CD5: variants seen among roughly 807,000 people sequenced by gnomAD.
CD5 encodes the protein T-cell surface glycoprotein CD5.
In CD5, 36 loss-of-function variants were observed where a neutral mutation model predicts 60.3. That is an observed-to-expected ratio of 0.60 (90% CI 0.46 to 0.79). CD5 has a LOEUF of 0.79. CD5 is among the 30% of genes least tolerant of loss of function. The pLI, the probability that CD5 is intolerant of heterozygous loss-of-function variation, is 0.00. For synonymous variants in CD5, 230 were observed against 257.6 expected (o/e 0.89, Z 1.03); for missense variants, 540 against 630.6 (o/e 0.86, Z 1.54).
chr11:61,097,526 C>T (rs1260403646), upstream of CD5, among the ~76,000 whole-genome samples: 3 of 152,130 alleles, frequency 2.0e-5, no homozygotes, highest in African/African-American at 7.2e-5. Flanking sequence ...CGGAGTCCCA[C>T]CAGGACTGGA....
At position 61,115,058 on chromosome 11, in the gene CD5, G is replaced by A. The variant is rs377675865; in HGVS notation, c.58G>A (p.Ala20Thr). 104 of 1,556,750 alleles carry A rather than the reference G, an allele frequency of 6.7e-5. No individual in the cohort carries two copies. The highest frequency in any genetic ancestry group is 2.2e-4 in the African/African-American group (16 of 73,328). Reference protein sequence around the residue: ...ATLYLLGMLVASCLGRLSWYD... With the variant: ...ATLYLLGMLVTSCLGRLSWYD... ...ACCCTCCTCTCTTCTTTCTGCAGTC[G>A]CTTCCTGCCTCGGACGGCTCAGCTG... Residue 20 changes from alanine to threonine, a missense_variant and splice_region_variant, in exon 2 of 11, where the codon GCT (alanine) becomes ACT (threonine). Coordinates refer to ENST00000347785, the MANE Select transcript of CD5 (RefSeq NM_014207.4).
intron 5 of CD5, 74 bp downstream of exon 5, chr11:61,119,649 C>A: frequency 9.3e-7 from 1 of 1,077,562 alleles, no homozygotes; most frequent in Non-Finnish European, 1.4e-6. Flanking sequence ...CCCAGAAGGT[C>A]AGGGAACATG....
At chr11:61,100,779 AAC>A (rs1312636180), upstream of CD5, among the ~76,000 whole-genome samples, 6 of 87,940 alleles carry the variant, frequency 6.8e-5, no homozygotes, top group Admixed American at 1.3e-4. Flanking sequence ...GGAGATCACA[AAC>A]ACACATCAAC....
Position 61,125,934 on chromosome 11 carries a change from C to T in CD5, c.*2+93C>T, listed in dbSNP as rs112377946. 4,054 of 675,816 alleles carry T rather than the reference C, an allele frequency of 6.0e-3. 80 individuals carry two copies. Among genetic ancestry groups the T allele is most frequent in the African/African-American group, 0.051 (2,804 of 54,538 alleles). The allele number at this position is 675,816 out of a possible 1,614,324, so 41.9% of individuals were successfully genotyped here. ...CACTCAATGCCTCCCCTCAGTCCCA[C>T]CCTGCCCATACATGAATAGGGGACC... is the stretch of plus-strand genomic sequence containing the variant. On this transcript the variant is annotated intron_variant, in intron 10 of 10. Transcript: ENST00000347785.
intron 7 of CD5, 144 bp downstream of exon 7, chr11:61,123,176 C>G (rs1861095056): frequency 2.1e-6 from 2 of 952,744 alleles, no homozygotes; most frequent in Non-Finnish European, 3.0e-6. Flanking sequence ...TTCCCCTCTC[C>G]TGCCCATTAG....
intron 1 of CD5, among the ~76,000 whole-genome samples, chr11:61,108,348 G>A (rs936607496): frequency 4.6e-5 from 7 of 152,322 alleles, no homozygotes; most frequent in African/African-American, 1.7e-4. Flanking sequence ...GGCCCTGGGT[G>A]AGCCAGATTA....
chr11:61,119,065 G>C (rs1861010429), intron 4 of CD5, 88 bp downstream of exon 4: 1 of 1,298,058 alleles, frequency 7.7e-7, no homozygotes, highest in Non-Finnish European at 1.1e-6. Context: ...TCTGACAAAG[G>C]TGGAAATGTT....
chr11:61,124,902 G>A (rs1861122757), intron 8 of CD5, 130 bp from the exon 9 acceptor site: 3 of 997,248 alleles, frequency 3.0e-6, no homozygotes, highest in Non-Finnish European at 4.5e-6. Context: ...GCATTGAAGG[G>A]GCTGTGGGTG....
rs142822370 is a variant in CD5, at chr11:61,119,262, G to A, written c.492G>A (p.Gln164=). 15 of 1,610,512 alleles carry A rather than the reference G, an allele frequency of 9.3e-6. No homozygotes were observed. Among genetic ancestry groups the A allele is most frequent in the Non-Finnish European group, 1.2e-5 (14 of 1,178,308 alleles). Residue 164 remains glutamine, a synonymous_variant, in exon 5 of 11, where the codon CAG becomes CAA. Transcript: ENST00000347785. The part of the protein sequence containing the change: ...TAPPRLQLVA[Q]SGGQHCAGVV... The stretch of plus-strand genomic sequence containing the variant: ...CTCCCAGGCTGCAGCTGGTGGCACA[G>A]TCTGGCGGCCAGCACTGTGCCGGCG...
At chr11:61,104,542 C>A (rs1056966596) in intron 1 of CD5, among the ~76,000 whole-genome samples, 1 of 152,164 alleles carries the variant, frequency 6.6e-6, no homozygotes, top group Non-Finnish European at 1.5e-5. Flanking sequence ...TGGCACCAGG[C>A]AAGTCCCCTG....
Position 61,119,549 on chromosome 11 carries a change from G to A in CD5, c.779G>A (p.Gly260Asp). The A allele has an allele frequency of 6.2e-7, 1 of 1,612,428 alleles. No individual in the cohort carries two copies. Among genetic ancestry groups the A allele is most frequent in the Non-Finnish European group, 8.5e-7 (1 of 1,179,670 alleles). ...AGGAAAATCAAGCCCCAGAAAAGTG[G>A]CCGAGTTCTTGCCCTCCTTTGCTCA... ...CFRKIKPQKS[G>D]RVLALLCSGF... The change falls in exon 5 of 11, where the codon GGC (glycine) becomes GAC (aspartate). Residue 260 changes from glycine to aspartate, a missense_variant. Transcript: ENST00000347785.
intron 1 of CD5, among the ~76,000 whole-genome samples, chr11:61,110,145 G>T (rs1860834060): frequency 6.6e-6 from 1 of 152,080 alleles, no homozygotes; most frequent in African/African-American, 2.4e-5. Context: ...CTAAAAAATA[G>T]AAATAGGTTA....
chr11:61,097,186 T>A, the CD5 span, among the ~76,000 whole-genome samples: 62 of 152,324 alleles, frequency 4.1e-4, no homozygotes, highest in African/African-American at 9.1e-4. Flanking sequence ...TCTCTCAATG[T>A]CACTTCATGT....
chr11:61,101,841 A>C (rs534582649), upstream of CD5, among the ~76,000 whole-genome samples: 19 of 151,894 alleles, frequency 1.3e-4, no homozygotes, highest in African/African-American at 4.1e-4. Flanking sequence ...CAACATGGAG[A>C]TCACACAACA....
intron 2 of CD5, among the ~76,000 whole-genome samples, chr11:61,115,302 CA>C (rs770132444): frequency 2.0e-5 from 3 of 152,168 alleles, no homozygotes; most frequent in Non-Finnish European, 2.9e-5. Flanking sequence ...GTGCCCTCGA[CA>C]GCCGTAAATC....
intron 1 of CD5, among the ~76,000 whole-genome samples, chr11:61,105,323 G>T (rs577682375): frequency 6.6e-6 from 1 of 152,348 alleles, no homozygotes; most frequent in Admixed American, 6.5e-5. Context: ...TGGGACGTGG[G>T]AAAGTCATGG....
chr11:61,096,711 C>T, the CD5 span, among the ~76,000 whole-genome samples: 77 of 152,280 alleles, frequency 5.1e-4, no homozygotes, highest in African/African-American at 1.7e-3. Flanking sequence ...TACGGTCCCC[C>T]GGGAAGAAGA....
In CD5 at chr11:61,119,286, C is replaced by T. The variant is rs150610565; in HGVS notation, c.516C>T (p.Gly172=). The change falls in exon 5 of 11, where the codon GGC becomes GGT. Residue 172 remains glycine, a synonymous_variant. Transcript: ENST00000347785. The part of the protein sequence containing the change: ...VAQSGGQHCA[G]VVEFYSGSLG... Reference sequence around the variant, plus strand: ...AGTCTGGCGGCCAGCACTGTGCCGGCGTGGTGGAGTTCTACAGCGGCAGCC... The same window carrying T: ...AGTCTGGCGGCCAGCACTGTGCCGGTGTGGTGGAGTTCTACAGCGGCAGCC... 7.3e-5 allele frequency: 118 copies of T among 1,613,376 alleles called. No homozygotes were observed. In the Middle Eastern group the frequency reaches 9.9e-4, roughly 14 times the overall value.
chr11:61,119,196 CT>C, intron 4 of CD5, 37 bp from the exon 5 acceptor site: 1 of 1,524,022 alleles, frequency 6.6e-7, no homozygotes, highest in Non-Finnish European at 8.8e-7. Flanking sequence ...GCCCTCGGCG[CT>C]CAGGGTGGCT....
Sources: gnomAD v4.1 joint callset for allele counts (sites outside exome capture counted in the v4.1 genomes callset) on GRCh38, gnomAD v4.1.1 for gene constraint, MANE v1.5 for transcripts, NCBI Gene and HGNC (gene_info 2026-07-23, HGNC 2026-07-21) for gene names.